Variants in ANKRD55 observed in about 807,000 individuals in gnomAD.
ANKRD55 encodes ankyrin repeat domain-containing protein 55.
A neutral mutation model predicts 60.6 loss-of-function variants in ANKRD55; 41 were observed. The observed-to-expected ratio is 0.68, with a 90% CI of 0.53 to 0.88. ANKRD55 has a LOEUF of 0.88. ANKRD55 is among the 40% of genes least tolerant of loss of function. The pLI, the probability that ANKRD55 is intolerant of heterozygous loss-of-function variation, is 0.00. For missense variants in ANKRD55, 732 were observed against 767.6 expected (o/e 0.95, Z 0.55); for synonymous variants, 264 against 290.3 (o/e 0.91, Z 0.92).
chr5:56,121,363 G>A (rs564097433), intron 8 of ANKRD55, among the ~76,000 whole-genome samples: 1 of 145,120 alleles, frequency 6.9e-6, no homozygotes, highest in African/African-American at 2.6e-5. Context: ...GATATAGTAA[G>A]TGTTCCACCA....
At chr5:56,218,334 T>C (rs1252237541) in intron 2 of ANKRD55, among the ~76,000 whole-genome samples, 1 of 152,212 alleles carries the variant, frequency 6.6e-6, no homozygotes, top group East Asian at 1.9e-4. Flanking sequence ...TACATACAGA[T>C]ACATCTTTTA....
intron 5 of ANKRD55, among the ~76,000 whole-genome samples, chr5:56,169,375 C>T (rs1200745335): frequency 6.6e-6 from 1 of 151,264 alleles, no homozygotes; most frequent in African/African-American, 2.4e-5. Flanking sequence ...TTCTAAAGAC[C>T]ACTCTTGGGA....
intron 2 of ANKRD55, among the ~76,000 whole-genome samples, chr5:56,200,267 A>G (rs764219797): frequency 1.3e-5 from 2 of 152,198 alleles, no homozygotes; most frequent in Non-Finnish European, 2.9e-5. Context: ...AAAAGAAAAA[A>G]GTATGTATTT....
At chr5:56,131,343 G>C (rs1430509130) in intron 7 of ANKRD55, among the ~76,000 whole-genome samples, 1 of 152,166 alleles carries the variant, frequency 6.6e-6, no homozygotes, top group African/African-American at 2.4e-5. Context: ...GAAGAGACTG[G>C]AGTGAAATAC....
At chr5:56,183,385 C>T (rs1033372445) in intron 3 of ANKRD55, 127 bp downstream of exon 3, 42 of 1,251,560 alleles carry the variant, frequency 3.4e-5, no homozygotes, top group Admixed American at 3.2e-4. Context: ...CGATGTGGTA[C>T]CTGCACATAG....
intron 4 of ANKRD55, among the ~76,000 whole-genome samples, chr5:56,175,064 C>T (rs1758710416): frequency 6.6e-6 from 1 of 152,174 alleles, no homozygotes; most frequent in Non-Finnish European, 1.5e-5. Flanking sequence ...CACAAAAGAT[C>T]TGTGGACCAC....
At chr5:56,190,763 G>C (rs965704495) in intron 2 of ANKRD55, among the ~76,000 whole-genome samples, 2 of 152,158 alleles carry the variant, frequency 1.3e-5, no homozygotes, top group African/African-American at 4.8e-5. Context: ...GACAGAAGAG[G>C]AAATCAGGCC....
intron 5 of ANKRD55, among the ~76,000 whole-genome samples, chr5:56,164,028 G>A (rs1409148262): frequency 1.3e-5 from 2 of 152,174 alleles, no homozygotes; most frequent in African/African-American, 4.8e-5. Context: ...GGAGGTGGAG[G>A]TTGCAGTGAG....
intron 10 of ANKRD55, among the ~76,000 whole-genome samples, chr5:56,103,873 T>C (rs1385059367): frequency 6.6e-6 from 1 of 152,146 alleles, no homozygotes; most frequent in Non-Finnish European, 1.5e-5. Flanking sequence ...CAAGAACAAC[T>C]TGCATCTGTT....
intron 6 of ANKRD55, among the ~76,000 whole-genome samples, chr5:56,151,634 G>A (rs1444227345): frequency 1.3e-5 from 2 of 151,958 alleles, no homozygotes; most frequent in Non-Finnish European, 2.9e-5. Context: ...CTAACCTGGT[G>A]AAACCCCATC....
Position 56,135,241 on chromosome 5 carries a change from TCCTTCCTTCCTTCCTTCCTTCTTTCCC to T in ANKRD55, c.613-8162_613-8136del, listed in dbSNP as rs1258658326. Among the ~76,000 whole-genome samples the T allele has an allele frequency of 7.4e-3, 1,063 of 142,748 alleles. 27 individuals carry two copies. Among genetic ancestry groups the T allele is most frequent in the South Asian group, 0.021 (93 of 4,340 alleles). 93.6% of individuals were successfully genotyped at this position (142,748 alleles called of 152,430 possible). ...TTCCTTCCTTCCTTCCTTCCTTCCT[TCCTTCCTTCCTTCCTTCCTTCTTTCCC>T]TCCCTCCCTCCCTGCCTGCCTGCTT... On this transcript the variant is annotated intron_variant, in intron 7 of 11. Coordinates refer to ENST00000341048, the MANE Select transcript of ANKRD55 (RefSeq NM_024669.3).
intron 5 of ANKRD55, among the ~76,000 whole-genome samples, chr5:56,161,711 C>T (rs1241389146): frequency 6.6e-6 from 1 of 152,100 alleles, no homozygotes; most frequent in African/African-American, 2.4e-5. Flanking sequence ...TCTGTATCTT[C>T]ATGTATATCA....
intron 2 of ANKRD55, among the ~76,000 whole-genome samples, chr5:56,208,868 A>G (rs757380146): frequency 2.0e-5 from 3 of 152,158 alleles, no homozygotes; most frequent in Non-Finnish European, 4.4e-5. Context: ...TTCCATCATA[A>G]TCTTATGGAA....
At chr5:56,226,483 G>A (rs1489896510) in intron 2 of ANKRD55, among the ~76,000 whole-genome samples, 2 of 151,212 alleles carry the variant, frequency 1.3e-5, no homozygotes, top group Admixed American at 6.6e-5. Flanking sequence ...TTGACAAATG[G>A]GATCTAATTA....
chr5:56,170,258 T>C (rs1758579620), intron 5 of ANKRD55, among the ~76,000 whole-genome samples: 1 of 152,220 alleles, frequency 6.6e-6, no homozygotes, highest in Non-Finnish European at 1.5e-5. Flanking sequence ...AGAAATGATC[T>C]TATTTATTTG....
intron 10 of ANKRD55, among the ~76,000 whole-genome samples, chr5:56,108,537 T>A (rs1756568101): frequency 6.6e-6 from 1 of 152,116 alleles, no homozygotes; most frequent in Non-Finnish European, 1.5e-5. Flanking sequence ...TTCTCAGACA[T>A]CAGGAAACAG....
At chr5:56,190,869 G>C (rs1392062915) in intron 2 of ANKRD55, among the ~76,000 whole-genome samples, 1 of 152,188 alleles carries the variant, frequency 6.6e-6, no homozygotes, top group Non-Finnish European at 1.5e-5. Flanking sequence ...GAGCCCTCGT[G>C]CTCCAATCAC....
intron 2 of ANKRD55, among the ~76,000 whole-genome samples, chr5:56,191,788 A>G (rs1759099318): frequency 1.3e-5 from 2 of 152,220 alleles, no homozygotes; most frequent in Admixed American, 1.3e-4. Flanking sequence ...TGGCCCTGCG[A>G]TGTACACTAA....
intron 2 of ANKRD55, among the ~76,000 whole-genome samples, chr5:56,209,666 T>A (rs1272920921): frequency 6.6e-6 from 1 of 151,968 alleles, no homozygotes; most frequent in South Asian, 2.1e-4. Flanking sequence ...GCAGTTTCAC[T>A]GTGTTAGCCA....
Sources: allele counts gnomAD v4.1 joint callset (sites outside exome capture counted in the v4.1 genomes callset), GRCh38; gene constraint gnomAD v4.1.1; transcripts MANE v1.5; gene names NCBI Gene and HGNC (gene_info 2026-07-23, HGNC 2026-07-21).